Variants in TC2N observed in about 807,000 individuals in gnomAD.
TC2N encodes tandem C2 domains, nuclear.
TC2N carries 51 observed loss-of-function variants against 61.9 expected under a neutral mutation model. The observed-to-expected ratio is 0.82, with a 90% CI of 0.66 to 1.04. The LOEUF (loss-of-function observed/expected upper bound fraction) is 1.04, where lower values mean the gene tolerates loss of function less well. Ranked by LOEUF, TC2N falls within the 50% of genes least tolerant of loss-of-function variation. The pLI is 0.00. For missense variants in TC2N, 556 were observed against 566.7 expected, an observed-to-expected ratio of 0.98 and a Z score of 0.19; for synonymous variants, 204 against 192.6, an observed-to-expected ratio of 1.06 and a Z score of -0.49.
chr14:91,804,297 C>T (rs938012495), intron 3 of TC2N, among the ~76,000 whole-genome samples: 19 of 151,982 alleles, frequency 1.3e-4, no homozygotes, highest in African/African-American at 3.1e-4. Flanking sequence ...CTACTAAAGC[C>T]GAAGATATTT....
chr14:91,850,648 C>T (rs1175187614), intron 1 of TC2N, among the ~76,000 whole-genome samples: 1 of 152,188 alleles, frequency 6.6e-6, no homozygotes, highest in Admixed American at 6.5e-5. Flanking sequence ...GAATCTAATG[C>T]CTGCCCAGGC....
At position 91,812,455 on chromosome 14, in the gene TC2N, G is replaced by C. The variant is rs2139863125; in HGVS notation, c.158C>G (p.Pro53Arg). The change falls in exon 3 of 12, where the codon CCT becomes CGT. Residue 53 changes from proline to arginine, a missense_variant. Physicochemically the swap from Pro to Arg is moderately radical, Grantham distance 103. Transcript: ENST00000435962. ...ATAATCCTCAGTACAGCCAAGCTGA[G>C]GCTTTACAGAAACAGAAGTCAATGG... ...VPPLTSVSVK[P>R]QLGCTEDYLL... 1 of 1,612,092 alleles carries C rather than the reference G, an allele frequency of 6.2e-7. No individual in the cohort carries two copies. Among genetic ancestry groups the C allele is most frequent in the East Asian group, 2.2e-5 (1 of 44,800 alleles).
At chr14:91,858,568 G>A (rs1888530387) in intron 1 of TC2N, among the ~76,000 whole-genome samples, 1 of 152,144 alleles carries the variant, frequency 6.6e-6, no homozygotes, top group African/African-American at 2.4e-5. Context: ...ACCTCCAACT[G>A]AGAACATTTA....
rs1445555133 is a variant in TC2N, at chr14:91,802,397, T to C, written c.326A>G (p.Asp109Gly). 6.2e-7 allele frequency: 1 copy of C among 1,612,262 alleles called. No homozygotes were observed. Among genetic ancestry groups the C allele is most frequent in the Admixed American group, 1.7e-5 (1 of 59,668 alleles). ...TGAACTGGAAAGTTCTACCTTTCGA[T>C]CTCCAAAAGATGCTCTGGCAGATCC... The part of the protein sequence containing the change: ...LEGSARASFG[D>G]RKVELSSSSQ... The change falls in exon 4 of 12, where the codon GAT (aspartate) becomes GGT (glycine). Residue 109 changes from aspartate to glycine, a missense_variant. Transcript: ENST00000435962.
chr14:91,837,304 C>T lies in TC2N; in HGVS notation c.-56-23479G>A, dbSNP rs951790882. ...GCCCGTGGCTCAGTGCAGCCTCGAC[C>T]TTCGGGGCTGAAGTGATCCTCCCAC... On this transcript the variant is annotated intron_variant, in intron 1 of 11. Transcript: ENST00000435962. The surrounding 1 kb of genome is among the most constrained non-coding windows in gnomAD (Gnocchi z 4.2). Among the ~76,000 whole-genome samples the T allele has an allele frequency of 6.6e-6, 1 of 152,230 alleles. No homozygotes were observed. Among genetic ancestry groups the T allele is most frequent in the Admixed American group, 6.5e-5 (1 of 15,290 alleles).
chr14:91,840,369 G>A (rs556707047), intron 1 of TC2N, among the ~76,000 whole-genome samples: 1 of 152,080 alleles, frequency 6.6e-6, no homozygotes, highest in Non-Finnish European at 1.5e-5. Flanking sequence ...GCATTCTATG[G>A]GAGACATAGA....
At chr14:91,847,757 G>C (rs193111293) in intron 1 of TC2N, among the ~76,000 whole-genome samples, 1 of 152,300 alleles carries the variant, frequency 6.6e-6, no homozygotes, top group African/African-American at 2.4e-5. Context: ...ACGATAAAAT[G>C]CTGTTGTTTT....
intron 1 of TC2N, among the ~76,000 whole-genome samples, chr14:91,816,828 T>C (rs117191398): frequency 1.3e-5 from 2 of 152,076 alleles, no homozygotes; most frequent in Non-Finnish European, 2.9e-5. Flanking sequence ...TAAATTTCCA[T>C]ATGCAATTGG....
chr14:91,802,303 C>G lies in TC2N; in HGVS notation c.420G>C (p.Leu140Phe), dbSNP rs372697292. The change falls in exon 4 of 12, where the codon TTG (leucine) becomes TTC (phenylalanine). Residue 140 changes from leucine to phenylalanine, a missense_variant. Leu to Phe is a conservative substitution (Grantham distance 22). Coordinates refer to ENST00000435962, the MANE Select transcript of TC2N (RefSeq NM_001128596.3). The part of the protein sequence containing the change: ...FYMYQHISPD[L>F]SRRFPPRSEV... ...CTGAACGGGGAGGAAAGCGTCGACT[C>G]AAATCAGGTGAAATGTGCTGATACA... 8 of 1,604,820 alleles carry G rather than the reference C, an allele frequency of 5.0e-6. No individual in the cohort carries two copies. Among genetic ancestry groups the G allele is most frequent in the Non-Finnish European group, 8.5e-7 (1 of 1,176,838 alleles).
intron 1 of TC2N, among the ~76,000 whole-genome samples, chr14:91,852,647 A>G (rs1026550885): frequency 6.6e-6 from 1 of 152,238 alleles, no homozygotes; most frequent in East Asian, 1.9e-4. Context: ...GTGTGCTTTA[A>G]TCTTAGCTTG....
chr14:91,809,785 A>C (rs1408603663), intron 3 of TC2N, among the ~76,000 whole-genome samples: 1 of 152,174 alleles, frequency 6.6e-6, no homozygotes, highest in African/African-American at 2.4e-5. Context: ...AGATTCCCAA[A>C]TTCTGTAAAT....
Position 91,802,708 on chromosome 14 carries a change from C to G in TC2N, c.302-287G>C, listed in dbSNP as rs547176294. The stretch of plus-strand genomic sequence containing the variant: ...GTGATCTGAGTTTCCTCTTATTTTT[C>G]TACTTATATATAGAACATCTTTTAA... On this transcript the variant is annotated intron_variant, in intron 3 of 11. Transcript: ENST00000435962. Among the ~76,000 whole-genome samples the G allele has an allele frequency of 1.2e-3, 182 of 151,244 alleles. 1 individual carries two copies. The highest frequency in any genetic ancestry group is 4.2e-3 in the African/African-American group (172 of 40,902).
intron 3 of TC2N, among the ~76,000 whole-genome samples, chr14:91,804,501 T>C (rs990741716): frequency 6.6e-6 from 1 of 152,146 alleles, no homozygotes; most frequent in African/African-American, 2.4e-5. Context: ...CCTTATAATA[T>C]GCTACACAGA....
Position 91,802,249 on chromosome 14 carries a change from CATACCCG to C in TC2N, c.467_469+4del, listed in dbSNP as rs747996865. ...AGAGAGGAAAAGCACAAAAGATCTT[CATACCCG>C]ATCCATACAGTCTCTTCACTTCTGA... On this transcript the variant is annotated splice_donor_variant and splice_donor_region_variant and coding_sequence_variant and intron_variant, in exon 4 of 12. Coordinates refer to ENST00000435962, the MANE Select transcript of TC2N (RefSeq NM_001128596.3). LOFTEE classifies it high-confidence loss of function. The C allele has an allele frequency of 2.5e-5, 38 of 1,526,962 alleles. No individual in the cohort carries two copies. In the African/African-American group the frequency reaches 4.9e-4, roughly 20 times the overall value. 94.6% of individuals were successfully genotyped at this position (1,526,962 alleles called of 1,614,324 possible).
In TC2N at chr14:91,812,340, T is replaced by A. The variant is rs747628599; in HGVS notation, c.273A>T (p.Glu91Asp). The A allele has an allele frequency of 6.2e-7, 1 of 1,605,372 alleles. No homozygotes were observed. Among genetic ancestry groups the A allele is most frequent in the South Asian group, 1.1e-5 (1 of 89,606 alleles). ...KLSYIQPRTQ[E>D]TPSHLEELEG... is the part of the protein sequence containing the mutation. ...CAAGTTCTTCCAGATGTGAAGGAGT[T>A]TCTTGTGTCCTGGGTTGAATGTAAG... Residue 91 changes from glutamate (E) to aspartate (D), a missense_variant, in exon 3 of 12, where the codon GAA becomes GAT. By Grantham distance (45) the Glu-to-Asp change is conservative. Transcript: ENST00000435962.
chr14:91,857,014 G>A lies in TC2N; in HGVS notation c.-57+10248C>T, dbSNP rs887896. 2.2e-3 allele frequency among the ~76,000 whole-genome samples: 329 copies of A among 152,258 alleles called. 2 individuals carry two copies. The highest frequency in any genetic ancestry group is 6.9e-3 in the African/African-American group (286 of 41,550). On this transcript the variant is annotated intron_variant, in intron 1 of 11. Coordinates refer to ENST00000435962, the MANE Select transcript of TC2N (RefSeq NM_001128596.3). ...GATCCTGTGGTTTATGAGAAAGAGCGCTAGACCAAGAGGTAGATCAAGCAA... is the reference window on the plus strand; with the variant it reads ...GATCCTGTGGTTTATGAGAAAGAGCACTAGACCAAGAGGTAGATCAAGCAA...
chr14:91,862,746 T>C (rs188154318), intron 1 of TC2N, among the ~76,000 whole-genome samples: 5 of 152,354 alleles, frequency 3.3e-5, no homozygotes, highest in Admixed American at 2.6e-4. Context: ...CCAAAACTTC[T>C]TGGAGTACAC....
chr14:91,827,850 G>A (rs1887567361), intron 1 of TC2N, among the ~76,000 whole-genome samples: 1 of 152,124 alleles, frequency 6.6e-6, no homozygotes, highest in African/African-American at 2.4e-5. Flanking sequence ...CATAGTAAAA[G>A]GACTATTAAA....
At chr14:91,842,050 C>G (rs1489248062) in intron 1 of TC2N, among the ~76,000 whole-genome samples, 2 of 150,928 alleles carry the variant, frequency 1.3e-5, no homozygotes, top group East Asian at 2.0e-4. Context: ...CCTCCACCTC[C>G]CAGGCTCAGC....
Sources: gnomAD v4.1 joint callset for allele counts (sites outside exome capture counted in the v4.1 genomes callset) on GRCh38, gnomAD v4.1.1 for gene constraint, Gnocchi (gnomAD v3.1) non-coding constraint, MANE v1.5 for transcripts, NCBI Gene and HGNC (gene_info 2026-07-23, HGNC 2026-07-21) for gene names.